The following PSD3 variants were observed in gnomAD, a reference collection of about 807,000 sequenced individuals.
The protein encoded by PSD3 is PH and SEC7 domain-containing protein 3.
Under a neutral mutation model 105.5 loss-of-function variants are expected in PSD3, and 49 were observed. The ratio of observed to expected loss-of-function variants is 0.46; its 90% CI spans 0.37 to 0.59. The LOEUF (loss-of-function observed/expected upper bound fraction) is 0.59, where lower values mean the gene tolerates loss of function less well. PSD3 is among the 20% of genes least tolerant of loss of function. The pLI is 0.00. For synonymous variants in PSD3, 557 were observed against 457.8 expected (o/e 1.22, Z -2.77); for missense variants, 1,561 against 1,263.8 (o/e 1.24, Z -3.57).
chr8:18,555,837 T>C (rs1346984519), intron 15 of PSD3, among the ~76,000 whole-genome samples: 1 of 152,152 alleles, frequency 6.6e-6, no homozygotes, highest in Non-Finnish European at 1.5e-5. Context: ...ATGTGGCTCA[T>C]TTCCTCCCTT....
intron 9 of PSD3, among the ~76,000 whole-genome samples, chr8:18,752,414 G>T (rs1204311784): frequency 1.5e-5 from 2 of 136,272 alleles, no homozygotes; most frequent in Admixed American, 1.7e-4. Context: ...TCAAATGCAA[G>T]TGATAAGCAA....
intron 9 of PSD3, among the ~76,000 whole-genome samples, chr8:18,761,709 C>T (rs758900365): frequency 1.3e-5 from 2 of 152,142 alleles, no homozygotes; most frequent in Non-Finnish European, 2.9e-5. Context: ...TAGAGCCTTA[C>T]GAATGTTTTA....
At chr8:19,050,337 AG>A (rs1196273911) in intron 1 of PSD3, among the ~76,000 whole-genome samples, 3 of 152,218 alleles carry the variant, frequency 2.0e-5, no homozygotes, top group Non-Finnish European at 2.9e-5. Flanking sequence ...AATGGCTAAG[AG>A]GCTTAGAAAA....
chr8:19,036,077 G>A (rs1827935060), intron 1 of PSD3, among the ~76,000 whole-genome samples: 1 of 152,206 alleles, frequency 6.6e-6, no homozygotes, highest in East Asian at 1.9e-4. Flanking sequence ...TTTTCTAATG[G>A]CTGTTGCAAT....
At chr8:19,084,780 C>T (rs138705479), upstream of PSD3, 72 of 262,234 alleles carry the variant, frequency 2.7e-4, 3 homozygotes, top group East Asian at 6.1e-3. Flanking sequence ...GCCCTGTGTG[C>T]GCCTGAGGTC....
chr8:19,081,885 C>A (rs1052932839), intron 1 of PSD3, among the ~76,000 whole-genome samples: 1 of 152,204 alleles, frequency 6.6e-6, no homozygotes, highest in Non-Finnish European at 1.5e-5. Flanking sequence ...GTTTCCTTCC[C>A]TGTAACCAAC....
At chr8:18,618,987 G>T (rs1162777946) in intron 11 of PSD3, among the ~76,000 whole-genome samples, 1 of 152,062 alleles carries the variant, frequency 6.6e-6, no homozygotes, top group Admixed American at 6.5e-5. Context: ...GAGTAACAAG[G>T]CATATCCTCT....
At chr8:18,627,229 C>G (rs1020141062) in intron 11 of PSD3, among the ~76,000 whole-genome samples, 2 of 151,946 alleles carry the variant, frequency 1.3e-5, no homozygotes, top group Non-Finnish European at 2.9e-5. Flanking sequence ...GCCTGTGAGT[C>G]ATGCTGAGTT....
At chr8:18,556,909 C>T (rs1801112752) in intron 14 of PSD3, among the ~76,000 whole-genome samples, 1 of 152,222 alleles carries the variant, frequency 6.6e-6, no homozygotes, top group Non-Finnish European at 1.5e-5. Flanking sequence ...CTTACCAAAG[C>T]AGCAGAGTTC....
At chr8:18,782,761 G>C (rs987639490) in intron 8 of PSD3, among the ~76,000 whole-genome samples, 3 of 152,190 alleles carry the variant, frequency 2.0e-5, no homozygotes, top group Non-Finnish European at 4.4e-5. Flanking sequence ...GGCTAACTTG[G>C]GGCCCCAAGC....
intron 14 of PSD3, among the ~76,000 whole-genome samples, chr8:18,571,890 C>G (rs1034698992): frequency 7.9e-6 from 1 of 126,834 alleles, no homozygotes; most frequent in African/African-American, 3.0e-5. Context: ...AATGAGCAAA[C>G]CTAGCTGGTA....
rs77493155 is a variant in PSD3 at position 18,644,878 on chromosome 8, A to C, written c.2216+10764T>G. On this transcript the variant is annotated intron_variant, in intron 10 of 15. Transcript: ENST00000327040. ...AAATGAACAGAGATTTATTTCTTAC[A>C]GTATTGGAGGCTGGAAGTTCAAAGT... 8.7e-3 allele frequency among the ~76,000 whole-genome samples: 1,321 copies of C among 152,296 alleles called. 21 individuals are homozygous for C. Among genetic ancestry groups the C allele is most frequent in the East Asian group, 0.061 (318 of 5,178 alleles).
chr8:18,828,491 A>AT (rs1200566959), intron 4 of PSD3, among the ~76,000 whole-genome samples: 1 of 152,012 alleles, frequency 6.6e-6, no homozygotes, highest in East Asian at 1.9e-4. Flanking sequence ...GACAAAAGGT[A>AT]TTTTTTACGA....
chr8:18,562,810 AC>A (rs1192519996), intron 14 of PSD3, among the ~76,000 whole-genome samples: 1 of 152,052 alleles, frequency 6.6e-6, no homozygotes, highest in Non-Finnish European at 1.5e-5. Flanking sequence ...AATTGCTTGA[AC>A]CTGGGAGGCG....
chr8:18,895,899 T>C (rs1294953406), intron 2 of PSD3, among the ~76,000 whole-genome samples: 1 of 152,220 alleles, frequency 6.6e-6, no homozygotes, highest in Non-Finnish European at 1.5e-5. Flanking sequence ...CTAGAACTTA[T>C]TCATCCTAGC....
intron 9 of PSD3, among the ~76,000 whole-genome samples, chr8:18,763,647 G>A (rs1040463645): frequency 6.6e-6 from 1 of 152,052 alleles, no homozygotes; most frequent in Non-Finnish European, 1.5e-5. Context: ...AAGGCAGGAA[G>A]AAAGGGAGGA....
intron 11 of PSD3, among the ~76,000 whole-genome samples, chr8:18,620,342 G>GTTTTT (rs57785765): frequency 0.094 from 11,362 of 120,938 alleles, 466 homozygotes; most frequent in African/African-American, 0.13. Context: ...TTGGGTTTGT[G>GTTTTT]TTTTTTTTTT....
At chr8:18,676,408 C>T (rs546918252) in intron 9 of PSD3, among the ~76,000 whole-genome samples, 6 of 152,268 alleles carry the variant, frequency 3.9e-5, no homozygotes, top group South Asian at 2.1e-4. Flanking sequence ...CTTCACAAAA[C>T]CCACACCTCT....
At chr8:18,713,236 GCCCTCTTTCA>G (rs1421976059) in intron 9 of PSD3, among the ~76,000 whole-genome samples, 1 of 152,140 alleles carries the variant, frequency 6.6e-6, no homozygotes, top group African/African-American at 2.4e-5. Flanking sequence ...AGACAAGGAT[GCCCTCTTTCA>G]CCACTCGTAT....
Sources: gnomAD v4.1 joint callset for allele counts (sites outside exome capture counted in the v4.1 genomes callset) on GRCh38, gnomAD v4.1.1 for gene constraint, MANE v1.5 for transcripts, NCBI Gene and HGNC (gene_info 2026-07-23, HGNC 2026-07-21) for gene names.